The following LUZP2 variants were observed in gnomAD, a reference collection of about 807,000 sequenced individuals.
LUZP2 encodes the protein leucine zipper protein 2.
In LUZP2, 52 loss-of-function variants were observed where a neutral mutation model predicts 51.6. The observed-to-expected ratio is 1.01, with a 90% CI of 0.81 to 1.27. LUZP2 has a LOEUF of 1.27. Among genes scored for constraint, LUZP2 ranks in the 50% most tolerant of loss-of-function variants. The pLI, the probability that LUZP2 is intolerant of heterozygous loss-of-function variation, is 0.00. For missense variants in LUZP2, 436 were observed against 395.4 expected (o/e 1.10, Z -0.87); for synonymous variants, 154 against 137.3 (o/e 1.12, Z -0.85).
At position 24,865,710 on chromosome 11, in the gene LUZP2, GTA is replaced by G. The variant is rs373154788; in HGVS notation, c.397-40265_397-40264del. On this transcript the variant is annotated intron_variant, in intron 5 of 11. Coordinates refer to ENST00000336930, the MANE Select transcript of LUZP2 (RefSeq NM_001009909.4). ...TTGTGTGTATATGTTATATGTTTGT[GTA>G]TATATATATATATATGTGTGTGTGT... Among the ~76,000 whole-genome samples the G allele has an allele frequency of 3.6e-3, 237 of 65,896 alleles. 1 individual carries two copies. The highest frequency in any genetic ancestry group is 8.9e-3 in the Middle Eastern group (1 of 112). 43.2% of individuals were successfully genotyped at this position (65,896 alleles called of 152,430 possible). A position where few individuals can be genotyped will look rare whatever the true frequency, so the allele number is the denominator to read the frequency against.
intron 1 of LUZP2, among the ~76,000 whole-genome samples, chr11:24,580,737 A>G (rs764096102): frequency 1.3e-5 from 2 of 152,136 alleles, no homozygotes; most frequent in African/African-American, 2.4e-5. Flanking sequence ...TCCATACCAC[A>G]TTATAAATTT....
At chr11:24,685,840 A>C (rs2133878659) in intron 1 of LUZP2, among the ~76,000 whole-genome samples, 2 of 152,304 alleles carry the variant, frequency 1.3e-5, no homozygotes, top group South Asian at 4.1e-4. Context: ...ATGCTTGTTG[A>C]ATGAATAAAT....
At chr11:24,926,286 T>C (rs1308188715) in intron 7 of LUZP2, among the ~76,000 whole-genome samples, 1 of 126,346 alleles carries the variant, frequency 7.9e-6, no homozygotes, top group African/African-American at 3.1e-5. Context: ...TATATATATA[T>C]ACGTGTGTAT....
chr11:24,498,678 T>C (rs1305048742), intron 1 of LUZP2, among the ~76,000 whole-genome samples: 1 of 152,220 alleles, frequency 6.6e-6, no homozygotes, highest in Admixed American at 6.5e-5. Flanking sequence ...CAGAGCCCAT[T>C]TTAATATTTG....
chr11:24,691,029 CAT>C (rs1252417043), intron 1 of LUZP2, among the ~76,000 whole-genome samples: 1 of 151,918 alleles, frequency 6.6e-6, no homozygotes, highest in African/African-American at 2.4e-5. Flanking sequence ...TAATTATAAA[CAT>C]ATAGATTCTC....
intron 1 of LUZP2, among the ~76,000 whole-genome samples, chr11:24,649,521 A>G (rs1342884329): frequency 6.6e-6 from 1 of 151,886 alleles, no homozygotes; most frequent in Non-Finnish European, 1.5e-5. Context: ...TTCTTTTTCT[A>G]ACAAAGTTGT....
At chr11:24,634,632 C>CA (rs5790423) in intron 1 of LUZP2, among the ~76,000 whole-genome samples, 100 of 141,038 alleles carry the variant, frequency 7.1e-4, no homozygotes, top group East Asian at 1.7e-3. Context: ...TTTATAACTT[C>CA]AAAAAAAAAA....
intron 5 of LUZP2, 72 bp downstream of exon 5, chr11:24,763,380 C>A: frequency 1.5e-6 from 1 of 660,466 alleles, no homozygotes; most frequent in Non-Finnish European, 2.4e-6. Flanking sequence ...TATAAAGTTG[C>A]CACTAGTTTG....
At chr11:25,064,361 A>G (rs1005533425) in intron 10 of LUZP2, among the ~76,000 whole-genome samples, 1 of 152,196 alleles carries the variant, frequency 6.6e-6, no homozygotes, top group South Asian at 2.1e-4. Flanking sequence ...TGCTTGTTAA[A>G]TATAAATTTC....
intron 5 of LUZP2, among the ~76,000 whole-genome samples, chr11:24,831,277 C>A (rs1357028163): frequency 6.6e-6 from 1 of 151,948 alleles, no homozygotes; most frequent in African/African-American, 2.4e-5. Flanking sequence ...CTCTTTATGC[C>A]AAAGGCAGAG....
intron 1 of LUZP2, among the ~76,000 whole-genome samples, chr11:24,602,570 T>A (rs552531066): frequency 6.6e-6 from 1 of 151,618 alleles, no homozygotes; most frequent in East Asian, 1.9e-4. Context: ...GAAAGGGGAT[T>A]TTTGTCTCAC....
In LUZP2 at chr11:24,958,284, G is replaced by C. The variant is rs1210250935; in HGVS notation, c.523-18307G>C. Among the ~76,000 whole-genome samples the C allele has an allele frequency of 2.0e-4, 31 of 152,224 alleles. No individual in the cohort carries two copies. In the South Asian group the frequency reaches 5.6e-3, roughly 28 times the overall value. ...TATATACCCAGTAATGGGATGGCTG[G>C]GTCAAATGGCATTTCTAGTTCTAGA... is the stretch of plus-strand genomic sequence containing the variant. On this transcript the variant is annotated intron_variant, in intron 7 of 11. Transcript: ENST00000336930.
At chr11:24,888,810 G>A (rs1037300116) in intron 5 of LUZP2, among the ~76,000 whole-genome samples, 1 of 152,010 alleles carries the variant, frequency 6.6e-6, no homozygotes, top group Admixed American at 6.6e-5. Flanking sequence ...TCTCATGATG[G>A]TAAGTTCTCA....
intron 5 of LUZP2, among the ~76,000 whole-genome samples, chr11:24,764,504 A>AG (rs1180577756): frequency 2.0e-5 from 3 of 149,238 alleles, no homozygotes; most frequent in African/African-American, 7.4e-5. Context: ...AAAAAAAAAA[A>AG]AAAAAAAAAA....
chr11:24,737,124 CAG>C (rs1274613128), intron 3 of LUZP2, among the ~76,000 whole-genome samples: 1 of 151,946 alleles, frequency 6.6e-6, no homozygotes, highest in African/African-American at 2.4e-5. Flanking sequence ...GGAGAGATGT[CAG>C]TGGTTATTGC....
chr11:24,690,827 A>T (rs1001369139), intron 1 of LUZP2, among the ~76,000 whole-genome samples: 1 of 152,068 alleles, frequency 6.6e-6, no homozygotes. Flanking sequence ...TAGATGCTGA[A>T]CAGCCAAAAT....
intron 5 of LUZP2, among the ~76,000 whole-genome samples, chr11:24,850,208 T>G (rs368550985): frequency 2.0e-5 from 3 of 152,244 alleles, no homozygotes; most frequent in African/African-American, 7.2e-5. Context: ...CATGCCTATG[T>G]CCTGAATGGT....
intron 5 of LUZP2, among the ~76,000 whole-genome samples, chr11:24,889,585 G>T (rs1449631985): frequency 6.6e-6 from 1 of 152,142 alleles, no homozygotes; most frequent in Admixed American, 6.5e-5. Context: ...TCAGTGTCCT[G>T]TGCCACCATG....
chr11:24,902,796 T>A (rs1408321326), intron 5 of LUZP2, among the ~76,000 whole-genome samples: 3 of 152,170 alleles, frequency 2.0e-5, no homozygotes, highest in Non-Finnish European at 2.9e-5. Context: ...AAGTTAGTAT[T>A]TGCTATAATT....
Sources: allele counts gnomAD v4.1 joint callset (sites outside exome capture counted in the v4.1 genomes callset), GRCh38; gene constraint gnomAD v4.1.1; transcripts MANE v1.5; gene names NCBI Gene and HGNC (gene_info 2026-07-23, HGNC 2026-07-21).